The following KIRREL3 variants were observed in gnomAD, a reference collection of about 807,000 sequenced individuals.
KIRREL3 encodes kin of IRRE-like protein 3.
Under a neutral mutation model 89.7 loss-of-function variants are expected in KIRREL3, and 36 were observed. That is an observed-to-expected ratio of 0.40 (90% CI 0.31 to 0.53). The LOEUF is 0.53. KIRREL3 is among the 20% of genes least tolerant of loss of function. KIRREL3 has a pLI of 0.49. For missense variants in KIRREL3, 864 were observed against 1,056.6 expected, an observed-to-expected ratio of 0.82 and a Z score of 2.53; for synonymous variants, 445 against 441.4, an observed-to-expected ratio of 1.01 and a Z score of -0.10.
Position 126,804,718 on chromosome 11 carries a change from T to A in KIRREL3, c.55+195737A>T, listed in dbSNP as rs560201304. 2.0e-5 allele frequency among the ~76,000 whole-genome samples: 3 copies of A among 152,348 alleles called. No individual in the cohort carries two copies. In the South Asian group the frequency reaches 6.2e-4, roughly 32 times the overall value. ...CACTTCTTTTTGTTTAAAAAATTCATGAGTGTTCGTAGGCTGAAAGTAACT... is the reference window on the plus strand; with the variant it reads ...CACTTCTTTTTGTTTAAAAAATTCAAGAGTGTTCGTAGGCTGAAAGTAACT... On this transcript the variant is annotated intron_variant, in intron 1 of 16. Transcript: ENST00000525144.
rs898789377 is a variant in KIRREL3 at position 126,976,393 on chromosome 11, C to T, written c.55+24062G>A. 3.2e-4 allele frequency among the ~76,000 whole-genome samples: 49 copies of T among 152,210 alleles called. No homozygotes were observed. The highest frequency in any genetic ancestry group is 3.2e-4 in the Non-Finnish European group (22 of 68,010). On this transcript the variant is annotated intron_variant, in intron 1 of 16. Transcript: ENST00000525144. The surrounding 1 kb of genome is among the most constrained non-coding windows in gnomAD (Gnocchi z 4.2). ...GATTATTTTCTGAGTGTTTATGAAC[C>T]GTTACATTAATCTCCTGCAGATTTT...
chr11:126,707,687 A>C (rs1461998007), intron 1 of KIRREL3, among the ~76,000 whole-genome samples: 1 of 152,130 alleles, frequency 6.6e-6, no homozygotes, highest in Admixed American at 6.5e-5. Context: ...CTTCCATTTA[A>C]ATTCTCATCT....
At chr11:126,824,952 G>A (rs568974950) in intron 1 of KIRREL3, among the ~76,000 whole-genome samples, 21 of 152,312 alleles carry the variant, frequency 1.4e-4, no homozygotes, top group African/African-American at 4.8e-4. Flanking sequence ...GACAAATTGT[G>A]AGGGACGTAT....
chr11:126,552,006 C>G (rs918688567), intron 2 of KIRREL3, among the ~76,000 whole-genome samples: 12 of 152,232 alleles, frequency 7.9e-5, no homozygotes, highest in African/African-American at 2.7e-4. Context: ...CCAGCAAACA[C>G]AGCTTCCCCC....
chr11:126,487,189 C>T (rs945562452), intron 4 of KIRREL3, among the ~76,000 whole-genome samples: 5 of 152,172 alleles, frequency 3.3e-5, no homozygotes, highest in African/African-American at 1.2e-4. Flanking sequence ...TAAAAGCATG[C>T]ATTTGTTCCA....
rs1173697824 is a variant in KIRREL3 at position 126,867,326 on chromosome 11, C to T, written c.55+133129G>A. 6.6e-6 allele frequency among the ~76,000 whole-genome samples: 1 copy of T among 151,940 alleles called. No homozygotes were observed. The highest frequency in any genetic ancestry group is 1.9e-4 in the East Asian group (1 of 5,148). On this transcript the variant is annotated intron_variant, in intron 1 of 16. Transcript: ENST00000525144. This position sits in a 1 kb window ranked among gnomAD's most constrained non-coding sequence, Gnocchi z 4.7. ...GACTCTCCTCTCATTACCTGCACTC[C>T]AATGGGTCCAGGTGCCTCGAGGTTC... is the stretch of plus-strand genomic sequence containing the variant.
chr11:126,660,310 T>A (rs967872559), intron 1 of KIRREL3, among the ~76,000 whole-genome samples: 2 of 152,196 alleles, frequency 1.3e-5, no homozygotes, highest in Non-Finnish European at 2.9e-5. Context: ...TTCCAAATGA[T>A]GATACCTCAG....
chr11:126,869,261 C>T (rs1214370633), intron 1 of KIRREL3, among the ~76,000 whole-genome samples: 4 of 149,500 alleles, frequency 2.7e-5, no homozygotes, highest in East Asian at 4.1e-4. Flanking sequence ...GGGGAATGAA[C>T]ACCCGGCTTC....
rs1488280706 is a variant in KIRREL3 at position 126,776,090 on chromosome 11, G to C, written c.56-213178C>G. ...GGAAGTCAGGCCTGGCCTGGGGATT[G>C]TGGGGTGACCTTCGCTGCAGGGGAT... On this transcript the variant is annotated intron_variant, in intron 1 of 16. Coordinates refer to ENST00000525144, the MANE Select transcript of KIRREL3 (RefSeq NM_032531.4). This position sits in a 1 kb window ranked among gnomAD's most constrained non-coding sequence, Gnocchi z 4.7. 1.3e-5 allele frequency among the ~76,000 whole-genome samples: 2 copies of C among 152,222 alleles called. No homozygotes were observed. Among genetic ancestry groups the C allele is most frequent in the African/African-American group, 2.4e-5 (1 of 41,472 alleles).
chr11:126,633,795 A>G (rs969541562), intron 1 of KIRREL3, among the ~76,000 whole-genome samples: 1 of 152,194 alleles, frequency 6.6e-6, no homozygotes, highest in African/African-American at 2.4e-5. Context: ...CCATCAGTGT[A>G]TGTTTTTGTA....
At chr11:126,730,839 C>T (rs187473437) in intron 1 of KIRREL3, among the ~76,000 whole-genome samples, 1,828 of 152,122 alleles carry the variant, frequency 0.012, 39 homozygotes, top group African/African-American at 0.041. Flanking sequence ...CCCAGGTTCA[C>T]GCCATTCTCC....
chr11:126,970,668 A>AT lies in KIRREL3; in HGVS notation c.55+29786dup, dbSNP rs1176601858. 2.6e-5 allele frequency among the ~76,000 whole-genome samples: 4 copies of AT among 152,006 alleles called. No homozygotes were observed. The highest frequency in any genetic ancestry group is 6.6e-5 in the Admixed American group (1 of 15,250). ...ATGAATTTACTAATGTTGTGATGGG[A>AT]TTTTTTCTATTATATGTAAAATGAT... On this transcript the variant is annotated intron_variant, in intron 1 of 16. Transcript: ENST00000525144. This position sits in a 1 kb window ranked among gnomAD's most constrained non-coding sequence, Gnocchi z 4.4.
chr11:126,591,669 G>T (rs180710875), intron 1 of KIRREL3, among the ~76,000 whole-genome samples: 30 of 152,298 alleles, frequency 2.0e-4, no homozygotes, highest in Non-Finnish European at 4.0e-4. Flanking sequence ...TCTCTGTCCT[G>T]AAGGCCTGAA....
intron 1 of KIRREL3, among the ~76,000 whole-genome samples, chr11:126,871,119 C>T (rs953867203): frequency 6.6e-6 from 1 of 152,172 alleles, no homozygotes; most frequent in Non-Finnish European, 1.5e-5. Flanking sequence ...GGAATCAGTT[C>T]ATCCCTCAAA....
intron 1 of KIRREL3, among the ~76,000 whole-genome samples, chr11:126,644,704 T>C (rs187200260): frequency 1.3e-3 from 203 of 152,242 alleles, no homozygotes; most frequent in Non-Finnish European, 2.1e-3. Flanking sequence ...ATTGCTGAAA[T>C]TGAAGTGAGT....
chr11:126,472,438 C>T (rs1055374954), intron 5 of KIRREL3, among the ~76,000 whole-genome samples: 2 of 152,162 alleles, frequency 1.3e-5, no homozygotes, highest in Non-Finnish European at 2.9e-5. Flanking sequence ...AGGGGTCTCC[C>T]TCAGGCCTCT....
chr11:126,525,104 G>T lies in KIRREL3; in HGVS notation c.283+1434C>A, dbSNP rs1364480270. On this transcript the variant is annotated intron_variant, in intron 3 of 16. Transcript: ENST00000525144. The surrounding 1 kb of genome is among the most constrained non-coding windows in gnomAD (Gnocchi z 5.4). ...GCCATTCATGGCACTGGATGCTAGAGGGTCAGTTATCCATGCTGAGATGAC... is the reference window on the plus strand; with the variant it reads ...GCCATTCATGGCACTGGATGCTAGATGGTCAGTTATCCATGCTGAGATGAC... Among the ~76,000 whole-genome samples the T allele has an allele frequency of 6.6e-6, 1 of 152,192 alleles. No homozygotes were observed. The highest frequency in any genetic ancestry group is 1.9e-4 in the East Asian group (1 of 5,198).
In KIRREL3 at chr11:126,430,257, C is replaced by T. The variant is rs1268811112; in HGVS notation, c.1697-969G>A. On this transcript the variant is annotated intron_variant, in intron 14 of 16. Coordinates refer to ENST00000525144, the MANE Select transcript of KIRREL3 (RefSeq NM_032531.4). This position sits in a 1 kb window ranked among gnomAD's most constrained non-coding sequence, Gnocchi z 6.6. ...GCCAGGAGTTCGAGACCAGCCTGGGCAACATGGTGAAATCCTGTCTCTGCA... is the reference window on the plus strand; with the variant it reads ...GCCAGGAGTTCGAGACCAGCCTGGGTAACATGGTGAAATCCTGTCTCTGCA... 6.6e-6 allele frequency among the ~76,000 whole-genome samples: 1 copy of T among 151,996 alleles called. No homozygotes were observed. The highest frequency in any genetic ancestry group is 1.5e-5 in the Non-Finnish European group (1 of 68,004).
At chr11:126,621,750 A>G (rs1037254422) in intron 1 of KIRREL3, among the ~76,000 whole-genome samples, 1 of 152,202 alleles carries the variant, frequency 6.6e-6, no homozygotes, top group African/African-American at 2.4e-5. Flanking sequence ...CCAAGGCTTT[A>G]TTGCCTCAGA....
Sources: gnomAD v4.1 joint callset for allele counts (sites outside exome capture counted in the v4.1 genomes callset) on GRCh38, gnomAD v4.1.1 for gene constraint, Gnocchi (gnomAD v3.1) non-coding constraint, MANE v1.5 for transcripts, NCBI Gene and HGNC (gene_info 2026-07-23, HGNC 2026-07-21) for gene names.